The following GRIN2A variants were observed in gnomAD, a reference collection of about 807,000 sequenced individuals.
The protein encoded by GRIN2A is glutamate receptor ionotropic, NMDA 2A.
GRIN2A carries 22 observed loss-of-function variants against 113.4 expected under a neutral mutation model. The observed-to-expected ratio is 0.19, with a 90% CI of 0.14 to 0.28. GRIN2A has a LOEUF of 0.28. GRIN2A is among the 10% of genes least tolerant of loss of function. The pLI, the probability that GRIN2A is intolerant of heterozygous loss-of-function variation, is 1.00. For missense variants in GRIN2A, 1,502 were observed against 1,887.0 expected, an observed-to-expected ratio of 0.80 and a Z score of 3.78; for synonymous variants, 827 against 738.4, an observed-to-expected ratio of 1.12 and a Z score of -1.94.
chr16:9,775,141 G>A (rs1418769761), intron 11 of GRIN2A, among the ~76,000 whole-genome samples: 7 of 152,008 alleles, frequency 4.6e-5, no homozygotes, highest in Admixed American at 6.6e-5. Flanking sequence ...TACCCTTTAG[G>A]CTTTGTCCAA....
chr16:9,845,246 T>C (rs938659171), intron 5 of GRIN2A, among the ~76,000 whole-genome samples: 3 of 152,204 alleles, frequency 2.0e-5, no homozygotes, highest in African/African-American at 7.2e-5. Context: ...TAGTCTTCAG[T>C]AGAAAAGTCA....
intron 2 of GRIN2A, among the ~76,000 whole-genome samples, chr16:10,062,750 G>A (rs1001902483): frequency 4.0e-5 from 6 of 151,872 alleles, no homozygotes; most frequent in East Asian, 1.9e-4. Context: ...CTATAATCCC[G>A]GCTACTCGGG....
chr16:9,935,854 A>C (rs973993611), intron 3 of GRIN2A, among the ~76,000 whole-genome samples: 3 of 151,952 alleles, frequency 2.0e-5, no homozygotes, highest in Non-Finnish European at 1.5e-5. Context: ...GGCATGCTCT[A>C]CCACACCTGG....
At chr16:10,167,553 A>G (rs1425275429) in intron 2 of GRIN2A, among the ~76,000 whole-genome samples, 5 of 152,202 alleles carry the variant, frequency 3.3e-5, no homozygotes, top group African/African-American at 1.2e-4. Context: ...ACAAACAGAA[A>G]GAAATTTCCA....
intron 2 of GRIN2A, among the ~76,000 whole-genome samples, chr16:10,073,600 A>G (rs561131242): frequency 3.9e-5 from 6 of 152,344 alleles, no homozygotes; most frequent in African/African-American, 7.2e-5. Context: ...AAGTGGGCCT[A>G]GAGGTGAAAA....
chr16:9,766,807 C>T (rs1900947326), intron 12 of GRIN2A, among the ~76,000 whole-genome samples: 1 of 152,216 alleles, frequency 6.6e-6, no homozygotes, highest in Non-Finnish European at 1.5e-5. Flanking sequence ...TGGGGTCCTT[C>T]TCCCCTAGGG....
chr16:10,008,580 A>G (rs1156584890), intron 2 of GRIN2A, among the ~76,000 whole-genome samples: 1 of 152,238 alleles, frequency 6.6e-6, no homozygotes, highest in Non-Finnish European at 1.5e-5. Context: ...TACCCAAAAC[A>G]GCAACATAAT....
intron 2 of GRIN2A, among the ~76,000 whole-genome samples, chr16:10,175,753 T>C (rs2050129940): frequency 6.6e-6 from 1 of 152,098 alleles, no homozygotes. Context: ...ATAGCTAAAA[T>C]CTGAGCCTCG....
intron 5 of GRIN2A, among the ~76,000 whole-genome samples, chr16:9,843,089 GAA>G (rs1485515377): frequency 2.0e-5 from 3 of 151,606 alleles, no homozygotes; most frequent in Admixed American, 6.6e-5. Context: ...AAGAGAGAAA[GAA>G]AGAGAAAGAA....
In GRIN2A at chr16:9,762,780, A is replaced by G. The variant is rs1644795899; in HGVS notation, c.*369T>C. The G allele has an allele frequency of 5.0e-6, 2 of 402,020 alleles. No homozygotes were observed. Among genetic ancestry groups the G allele is most frequent in the South Asian group, 6.7e-5 (2 of 29,724 alleles). 24.9% of individuals were successfully genotyped at this position (402,020 alleles called of 1,614,324 possible). A position where few individuals can be genotyped will look rare whatever the true frequency, so the allele number is the denominator to read the frequency against. ...TAGGCATTTCTGATGAGAAAATTAC[A>G]TGGTGGGCTGACCTTAATGGAATTT... On this transcript the variant is annotated 3_prime_UTR_variant, in exon 13 of 13. Transcript: ENST00000330684.
chr16:10,158,435 T>C (rs1050150613), intron 2 of GRIN2A, among the ~76,000 whole-genome samples: 5 of 152,184 alleles, frequency 3.3e-5, no homozygotes, highest in East Asian at 3.8e-4. Context: ...TCCAAAAGAA[T>C]TGAAAACAGG....
chr16:9,878,682 T>C (rs1203931786), intron 4 of GRIN2A, among the ~76,000 whole-genome samples: 2 of 152,200 alleles, frequency 1.3e-5, no homozygotes, highest in African/African-American at 4.8e-5. Context: ...AGAGATGTCT[T>C]TTCTATGAAC....
intron 2 of GRIN2A, among the ~76,000 whole-genome samples, chr16:10,126,064 T>C (rs1239004169): frequency 6.6e-6 from 1 of 152,122 alleles, no homozygotes; most frequent in Non-Finnish European, 1.5e-5. Flanking sequence ...AACTGCACTG[T>C]TTTGCTTACT....
intron 2 of GRIN2A, among the ~76,000 whole-genome samples, chr16:10,047,282 G>A (rs13332501): frequency 0.11 from 16,455 of 152,038 alleles, 1,024 homozygotes; most frequent in African/African-American, 0.16. Flanking sequence ...CCCACTCTCC[G>A]CTAGCTTGTG....
At position 9,985,621 on chromosome 16, in the gene GRIN2A, G is replaced by A. The variant is rs146848583; in HGVS notation, c.415-47070C>T. Reference sequence around the variant, plus strand: ...CCAAGCTTCATATTCCCACTTATTTGTGAGAGCTAAAAAAAAAAAAATTAA... The same window carrying A: ...CCAAGCTTCATATTCCCACTTATTTATGAGAGCTAAAAAAAAAAAAATTAA... On this transcript the variant is annotated intron_variant, in intron 2 of 12. Transcript: ENST00000330684. Among the ~76,000 whole-genome samples the A allele has an allele frequency of 2.3e-3, 349 of 151,906 alleles. 2 individuals are homozygous for A. Among genetic ancestry groups the A allele is most frequent in the Non-Finnish European group, 3.0e-3 (204 of 67,956 alleles).
At chr16:9,837,261 T>C (rs16966479) in intron 7 of GRIN2A, among the ~76,000 whole-genome samples, 2,646 of 152,294 alleles carry the variant, frequency 0.017, 96 homozygotes, top group African/African-American at 0.061. Flanking sequence ...ATATTAAGCC[T>C]ACTGGGTAAA....
intron 2 of GRIN2A, among the ~76,000 whole-genome samples, chr16:10,172,587 G>T (rs2050064549): frequency 1.3e-5 from 2 of 152,264 alleles, no homozygotes; most frequent in Non-Finnish European, 1.5e-5. Context: ...TCCTGTCCCA[G>T]GATGGCAGTG....
At chr16:10,018,655 T>C (rs55807912) in intron 2 of GRIN2A, among the ~76,000 whole-genome samples, 16,645 of 152,146 alleles carry the variant, frequency 0.11, 1,008 homozygotes, top group Middle Eastern at 0.15. Context: ...AGGGAGGTGA[T>C]TGTCCTGGTG....
intron 2 of GRIN2A, among the ~76,000 whole-genome samples, chr16:10,044,598 GT>G (rs1222011596): frequency 5.3e-5 from 8 of 150,274 alleles, no homozygotes; most frequent in African/African-American, 2.0e-4. Flanking sequence ...CTTTTGAAAA[GT>G]TTTTAGACAA....
Sources: allele counts gnomAD v4.1 joint callset (sites outside exome capture counted in the v4.1 genomes callset), GRCh38; gene constraint gnomAD v4.1.1; transcripts MANE v1.5; gene names NCBI Gene and HGNC (gene_info 2026-07-23, HGNC 2026-07-21).